The following RAB3GAP1 variants were observed in gnomAD, a reference collection of about 807,000 sequenced individuals.
RAB3GAP1 encodes rab3 GTPase-activating protein catalytic subunit.
Under a neutral mutation model 130.7 loss-of-function variants are expected in RAB3GAP1, and 86 were observed. The ratio of observed to expected loss-of-function variants is 0.66; its 90% CI spans 0.55 to 0.79. The LOEUF is 0.79. RAB3GAP1 is among the 30% of genes least tolerant of loss of function. The pLI is 0.00. For synonymous variants in RAB3GAP1, 367 were observed against 401.7 expected, an observed-to-expected ratio of 0.91 and a Z score of 1.03; for missense variants, 1,029 against 1,169.4, an observed-to-expected ratio of 0.88 and a Z score of 1.75.
chr2:135,093,766 G>C (rs964866577), intron 5 of RAB3GAP1, 73 bp downstream of exon 5: 7 of 1,160,712 alleles, frequency 6.0e-6, no homozygotes, highest in Admixed American at 1.7e-5. Flanking sequence ...CCCAAGTTCA[G>C]TGATTTGCTA....
intron 5 of RAB3GAP1, among the ~76,000 whole-genome samples, chr2:135,111,166 T>C (rs1690792197): frequency 6.6e-6 from 1 of 152,208 alleles, no homozygotes; most frequent in Non-Finnish European, 1.5e-5. Flanking sequence ...CTTAATTTTT[T>C]AAATCATTAC....
At chr2:135,106,427 C>T (rs1421533202) in intron 5 of RAB3GAP1, among the ~76,000 whole-genome samples, 1 of 152,170 alleles carries the variant, frequency 6.6e-6, no homozygotes, top group Non-Finnish European at 1.5e-5. Context: ...ATTCTTCTGC[C>T]TTGGGATGCT....
intron 5 of RAB3GAP1, among the ~76,000 whole-genome samples, chr2:135,094,270 C>T (rs946939142): frequency 1.3e-5 from 2 of 151,608 alleles, no homozygotes; most frequent in African/African-American, 4.8e-5. Context: ...TTTTTTCTTT[C>T]AGTTTTTTTG....
At chr2:135,084,563 G>C (rs1689922774) in intron 3 of RAB3GAP1, among the ~76,000 whole-genome samples, 1 of 152,048 alleles carries the variant, frequency 6.6e-6, no homozygotes, top group African/African-American at 2.4e-5. Context: ...AATACCTTTT[G>C]GATGGGGTTG....
At chr2:135,172,844 C>G (rs1011110133), downstream of RAB3GAP1, among the ~76,000 whole-genome samples, 3 of 152,172 alleles carry the variant, frequency 2.0e-5, no homozygotes, top group Non-Finnish European at 4.4e-5. Flanking sequence ...TCCCCCAGAC[C>G]CACACCCATT....
chr2:135,145,576 C>T (rs1691969737), intron 17 of RAB3GAP1, among the ~76,000 whole-genome samples: 1 of 152,118 alleles, frequency 6.6e-6, no homozygotes, highest in Non-Finnish European at 1.5e-5. Context: ...TACCATTTAG[C>T]ATATGTATGG....
chr2:135,127,187 CTTTT>C (rs528853214), intron 11 of RAB3GAP1, among the ~76,000 whole-genome samples: 6 of 133,564 alleles, frequency 4.5e-5, no homozygotes, highest in African/African-American at 1.1e-4. Flanking sequence ...GATGCTTTTT[CTTTT>C]TTTTTTTTTT....
intron 5 of RAB3GAP1, among the ~76,000 whole-genome samples, chr2:135,105,829 C>T (rs547684668): frequency 1.4e-4 from 21 of 151,300 alleles, no homozygotes; most frequent in East Asian, 1.2e-3. Context: ...ATGTGGGGAG[C>T]GCCTCTGCCC....
intron 17 of RAB3GAP1, among the ~76,000 whole-genome samples, chr2:135,141,525 G>A (rs896608151): frequency 1.3e-5 from 2 of 151,896 alleles, no homozygotes; most frequent in Admixed American, 1.3e-4. Flanking sequence ...CGCCTGGCCT[G>A]TTCACTTTCT....
chr2:135,157,382 T>C (rs926033253), intron 19 of RAB3GAP1, among the ~76,000 whole-genome samples: 1 of 152,118 alleles, frequency 6.6e-6, no homozygotes, highest in South Asian at 2.1e-4. Flanking sequence ...TGAAAGCAAG[T>C]TGAGATACAT....
intron 4 of RAB3GAP1, among the ~76,000 whole-genome samples, chr2:135,092,718 G>A (rs1690183548): frequency 6.6e-6 from 1 of 152,156 alleles, no homozygotes; most frequent in Non-Finnish European, 1.5e-5. Flanking sequence ...GATTACAGGC[G>A]TGAATCACTG....
chr2:135,166,537 C>T lies in RAB3GAP1; in HGVS notation c.2709+1841C>T, dbSNP rs140556274. On this transcript the variant is annotated intron_variant, in intron 23 of 23. Transcript: ENST00000264158. ...TTAATTTTTATATTTTTTGTAGGGA[C>T]GGGGTCTCACTTTGTTGCCCAGGCT... Among the ~76,000 whole-genome samples, 946 of 152,056 alleles carry T rather than the reference C, an allele frequency of 6.2e-3. 8 individuals carry two copies. Among genetic ancestry groups the T allele is most frequent in the South Asian group, 0.041 (198 of 4,808 alleles).
At chr2:135,107,013 C>T (rs1471398812) in intron 5 of RAB3GAP1, among the ~76,000 whole-genome samples, 1 of 149,288 alleles carries the variant, frequency 6.7e-6, no homozygotes, top group Non-Finnish European at 1.5e-5. Context: ...TTCTCATGTA[C>T]TAGAGAACAA....
chr2:135,112,029 A>G (rs1282771095), intron 5 of RAB3GAP1, among the ~76,000 whole-genome samples: 1 of 152,240 alleles, frequency 6.6e-6, no homozygotes, highest in Non-Finnish European at 1.5e-5. Flanking sequence ...GGAGGCATCC[A>G]GCTCTGAGCA....
intron 18 of RAB3GAP1, among the ~76,000 whole-genome samples, chr2:135,150,958 C>CTG (rs771093793): frequency 1.3e-5 from 2 of 152,144 alleles, no homozygotes; most frequent in Non-Finnish European, 2.9e-5. Flanking sequence ...ATGTAAGGAA[C>CTG]TGTCATGAGT....
At chr2:135,095,905 A>G (rs896540743) in intron 5 of RAB3GAP1, among the ~76,000 whole-genome samples, 1 of 152,172 alleles carries the variant, frequency 6.6e-6, no homozygotes, top group African/African-American at 2.4e-5. Flanking sequence ...ATCTTGAGAG[A>G]GAGAGAGAGA....
chr2:135,171,192 A>G (rs1270959433), downstream of RAB3GAP1, among the ~76,000 whole-genome samples: 1 of 152,106 alleles, frequency 6.6e-6, no homozygotes, highest in Non-Finnish European at 1.5e-5. Flanking sequence ...GAAGTGTGGT[A>G]TCTAGAGTGG....
intron 3 of RAB3GAP1, among the ~76,000 whole-genome samples, chr2:135,066,099 C>G (rs1360477764): frequency 1.5e-4 from 23 of 151,946 alleles, no homozygotes; most frequent in Admixed American, 1.5e-3. Context: ...GTAAGGGTGT[C>G]TGAGTCCAGA....
At chr2:135,098,001 G>A (rs936186465) in intron 5 of RAB3GAP1, among the ~76,000 whole-genome samples, 2 of 152,164 alleles carry the variant, frequency 1.3e-5, no homozygotes, top group Non-Finnish European at 2.9e-5. Flanking sequence ...CACCAACAAT[G>A]TATGAAAATT....
Sources: allele counts gnomAD v4.1 joint callset (sites outside exome capture counted in the v4.1 genomes callset), GRCh38; gene constraint gnomAD v4.1.1; transcripts MANE v1.5; gene names NCBI Gene and HGNC (gene_info 2026-07-23, HGNC 2026-07-21).